Variants in RBFOX1 observed in about 807,000 individuals in gnomAD.
RBFOX1 encodes the protein RNA binding protein fox-1 homolog 1.
RBFOX1 carries 8 observed loss-of-function variants against 57.7 expected under a neutral mutation model. That is an observed-to-expected ratio of 0.14 (90% CI 0.08 to 0.25). RBFOX1 has a LOEUF of 0.25. Among genes scored for constraint, RBFOX1 ranks in the 10% least tolerant of loss-of-function variants. The probability of loss-of-function intolerance (pLI) is 1.00; values close to 1 mark genes in which losing one functional copy is unlikely to be tolerated. For synonymous variants in RBFOX1, 326 were observed against 222.4 expected (o/e 1.47, Z -4.15); for missense variants, 611 against 548.5 (o/e 1.11, Z -1.14).
chr16:7,687,492 G>A (rs528959140), intron 14 of RBFOX1, among the ~76,000 whole-genome samples: 1 of 152,002 alleles, frequency 6.6e-6, no homozygotes, highest in South Asian at 2.1e-4. Context: ...AGGGCTGAAT[G>A]ATGTGAGTCA....
intron 5 of RBFOX1, among the ~76,000 whole-genome samples, chr16:7,554,982 A>C (rs2087857507): frequency 6.6e-6 from 1 of 152,226 alleles, no homozygotes; most frequent in Non-Finnish European, 1.5e-5. Flanking sequence ...TATGTTTATT[A>C]TTTAGCATTT....
intron 4 of RBFOX1, among the ~76,000 whole-genome samples, chr16:7,196,804 AGAT>A (rs2086814833): frequency 6.6e-6 from 1 of 152,136 alleles, no homozygotes; most frequent in South Asian, 2.1e-4. Context: ...TTTTTCACAC[AGAT>A]GATTTATGGA....
At chr16:6,392,159 T>C (rs1171754309) in intron 2 of RBFOX1, among the ~76,000 whole-genome samples, 2 of 152,218 alleles carry the variant, frequency 1.3e-5, no homozygotes, top group Admixed American at 6.5e-5. Context: ...ATGTCCTAAA[T>C]TGTTGTCTTT....
At chr16:6,877,731 T>C (rs965485555) in intron 3 of RBFOX1, among the ~76,000 whole-genome samples, 1 of 152,202 alleles carries the variant, frequency 6.6e-6, no homozygotes, top group Non-Finnish European at 1.5e-5. Flanking sequence ...GTTTCCAATA[T>C]AGTAAGAATT....
intron 2 of RBFOX1, among the ~76,000 whole-genome samples, chr16:6,392,925 T>G (rs1041032735): frequency 6.6e-6 from 1 of 152,210 alleles, no homozygotes; most frequent in Non-Finnish European, 1.5e-5. Context: ...CCCACCCTCT[T>G]CTGCCATGAA....
At chr16:6,626,980 A>G (rs2098317825) in intron 2 of RBFOX1, among the ~76,000 whole-genome samples, 2 of 152,198 alleles carry the variant, frequency 1.3e-5, no homozygotes, top group Admixed American at 1.3e-4. Context: ...TGCACAGTTT[A>G]TAGACGAAGA....
At chr16:6,772,187 T>C (rs1050054948) in intron 3 of RBFOX1, among the ~76,000 whole-genome samples, 3 of 152,106 alleles carry the variant, frequency 2.0e-5, no homozygotes, top group African/African-American at 4.8e-5. Context: ...GAATGATTGA[T>C]GGACTGTGAG....
rs368790695 is a variant in RBFOX1, at chr16:5,526,062, A to C, written c.258+58808A>C. On this transcript the variant is annotated intron_variant, in intron 2 of 2. Transcript: ENST00000585867. ...TCACAGGTGAAACATGTCAACCCCC[A>C]GGCAGTGCATGTGTAGACAGTACCA... Among the ~76,000 whole-genome samples, 229 of 152,148 alleles carry C rather than the reference A, an allele frequency of 1.5e-3. 3 individuals carry two copies. The Middle Eastern group carries it at 0.027, about 18-fold the overall frequency.
chr16:6,003,565 T>C (rs1234069671), intron 4 of RBFOX1, among the ~76,000 whole-genome samples: 1 of 144,440 alleles, frequency 6.9e-6, no homozygotes, highest in African/African-American at 2.6e-5. Context: ...CTGCGGTACC[T>C]TTGTAGCTAG....
intron 3 of RBFOX1, among the ~76,000 whole-genome samples, chr16:6,680,273 TC>T (rs370877571): frequency 0.087 from 9,341 of 107,538 alleles, 123 homozygotes; most frequent in Non-Finnish European, 0.12. Context: ...TTTCTCTCTC[TC>T]TTTTTTTTTT....
At chr16:7,272,049 A>G (rs1452172252) in intron 4 of RBFOX1, among the ~76,000 whole-genome samples, 1 of 152,184 alleles carries the variant, frequency 6.6e-6, no homozygotes, top group Non-Finnish European at 1.5e-5. Context: ...AGAGAGAGTG[A>G]TAGCGGCTTG....
chr16:7,670,947 T>G (rs370937247), intron 13 of RBFOX1, among the ~76,000 whole-genome samples: 162 of 152,362 alleles, frequency 1.1e-3, no homozygotes, highest in African/African-American at 3.8e-3. Flanking sequence ...CATTTTGATA[T>G]GTATATTAAC....
At chr16:5,828,481 C>T (rs1169718743) in intron 3 of RBFOX1, among the ~76,000 whole-genome samples, 5 of 151,918 alleles carry the variant, frequency 3.3e-5, no homozygotes, top group African/African-American at 7.3e-5. Context: ...GGGCGGATCG[C>T]GAGGTCAATA....
At chr16:7,314,708 C>G (rs2142886576) in intron 4 of RBFOX1, among the ~76,000 whole-genome samples, 1 of 152,244 alleles carries the variant, frequency 6.6e-6, no homozygotes, top group South Asian at 2.1e-4. Flanking sequence ...TTAGAATCCT[C>G]CGTCCTTCTA....
chr16:6,653,618 T>A lies in RBFOX1; in HGVS notation c.-63-985T>A, dbSNP rs115067093. On this transcript the variant is annotated intron_variant, in intron 2 of 15. Transcript: ENST00000550418. ...ATGAGTGGATGAGTGGAATGGTAGA[T>A]GGATGGGTGGATGGATGGATGAATG... Among the ~76,000 whole-genome samples, 212 of 152,114 alleles carry A rather than the reference T, an allele frequency of 1.4e-3. 1 individual carries two copies. Among genetic ancestry groups the A allele is most frequent in the African/African-American group, 4.8e-3 (201 of 41,504 alleles).
chr16:7,565,981 T>C (rs553799216), intron 5 of RBFOX1, among the ~76,000 whole-genome samples: 6 of 152,254 alleles, frequency 3.9e-5, no homozygotes, highest in Non-Finnish European at 7.4e-5. Context: ...ATTAGTTTCC[T>C]GGAATGATTC....
intron 3 of RBFOX1, among the ~76,000 whole-genome samples, chr16:6,842,324 C>G (rs902936938): frequency 6.6e-6 from 1 of 151,954 alleles, no homozygotes; most frequent in Non-Finnish European, 1.5e-5. Flanking sequence ...ATCAGAGAAA[C>G]AACACATACA....
At chr16:7,029,119 CACAT>C (rs1218994196) in intron 3 of RBFOX1, among the ~76,000 whole-genome samples, 8 of 81,768 alleles carry the variant, frequency 9.8e-5, no homozygotes, top group African/African-American at 2.4e-4. Context: ...CACACACACA[CACAT>C]ATACGTATAT....
At chr16:7,424,071 T>C (rs1040114572) in intron 4 of RBFOX1, among the ~76,000 whole-genome samples, 1 of 152,200 alleles carries the variant, frequency 6.6e-6, no homozygotes, top group Non-Finnish European at 1.5e-5. Context: ...GCTGATTATT[T>C]CTTTGGTTTA....
Sources: gnomAD v4.1 joint callset for allele counts (sites outside exome capture counted in the v4.1 genomes callset) on GRCh38, gnomAD v4.1.1 for gene constraint, MANE v1.5 for transcripts, NCBI Gene and HGNC (gene_info 2026-07-23, HGNC 2026-07-21) for gene names.